Variants in RGS20 observed in about 807,000 individuals in gnomAD.
RGS20 encodes regulator of G protein signaling 20.
In RGS20, 30 loss-of-function variants were observed where a neutral mutation model predicts 33.6. That is an observed-to-expected ratio of 0.89 (90% CI 0.67 to 1.21). The LOEUF (loss-of-function observed/expected upper bound fraction) is 1.21. Ranked by LOEUF, RGS20 falls within the 50% of genes most tolerant of loss-of-function variation. The probability of loss-of-function intolerance (pLI) is 0.00; values close to 1 mark genes in which losing one functional copy is unlikely to be tolerated. For synonymous variants in RGS20, 208 were observed against 197.9 expected (o/e 1.05, Z -0.43); for missense variants, 472 against 502.4 (o/e 0.94, Z 0.58).
At chr8:53,939,119 A>G (rs1356505829) in intron 2 of RGS20, among the ~76,000 whole-genome samples, 1 of 152,144 alleles carries the variant, frequency 6.6e-6, no homozygotes, top group East Asian at 1.9e-4. Flanking sequence ...AGCCTGCTGT[A>G]TTAGCTGGGC....
At chr8:53,948,427 TAA>T (rs781242699) in intron 4 of RGS20, among the ~76,000 whole-genome samples, 92 of 140,582 alleles carry the variant, frequency 6.5e-4, no homozygotes, top group African/African-American at 1.4e-3. Flanking sequence ...ATGCTATATA[TAA>T]GATACAGTAT....
At chr8:53,862,258 T>G (rs1463917171) in intron 1 of RGS20, among the ~76,000 whole-genome samples, 4 of 152,182 alleles carry the variant, frequency 2.6e-5, no homozygotes, top group African/African-American at 9.7e-5. Flanking sequence ...CAAATGCACT[T>G]AGATGTAAAT....
chr8:53,919,391 G>T (rs1267574948), intron 2 of RGS20, among the ~76,000 whole-genome samples: 1 of 149,896 alleles, frequency 6.7e-6, no homozygotes, highest in Non-Finnish European at 1.5e-5. Context: ...ACCCCGTCTG[G>T]AGTGCAATGG....
intron 2 of RGS20, among the ~76,000 whole-genome samples, chr8:53,892,361 G>C (rs1458330093): frequency 6.6e-6 from 1 of 152,208 alleles, no homozygotes; most frequent in African/African-American, 2.4e-5. Context: ...ACATGTGCAT[G>C]TGTCTTTATA....
chr8:53,911,229 G>C (rs948159272), intron 2 of RGS20, among the ~76,000 whole-genome samples: 1 of 152,152 alleles, frequency 6.6e-6, no homozygotes, highest in African/African-American at 2.4e-5. Context: ...AGTGTGAGAG[G>C]CCAGGAGAAA....
intron 2 of RGS20, among the ~76,000 whole-genome samples, chr8:53,885,540 G>A (rs774516545): frequency 3.9e-5 from 6 of 152,112 alleles, no homozygotes; most frequent in Non-Finnish European, 8.8e-5. Context: ...CATGAACCTG[G>A]GAGGCGGGGC....
chr8:53,872,316 T>C (rs1812093886), intron 1 of RGS20, among the ~76,000 whole-genome samples: 1 of 152,190 alleles, frequency 6.6e-6, no homozygotes, highest in Non-Finnish European at 1.5e-5. Context: ...TCTTTAAAGA[T>C]ATAAACTAGA....
intron 2 of RGS20, among the ~76,000 whole-genome samples, chr8:53,908,235 A>C (rs1465495528): frequency 6.6e-6 from 1 of 152,222 alleles, no homozygotes; most frequent in Non-Finnish European, 1.5e-5. Context: ...CATGCAGACA[A>C]GGCAGCTATG....
intron 1 of RGS20, among the ~76,000 whole-genome samples, chr8:53,865,233 C>G (rs1026561693): frequency 1.3e-5 from 2 of 152,196 alleles, no homozygotes; most frequent in Non-Finnish European, 2.9e-5. Flanking sequence ...TTGAGAGATC[C>G]GGCCCAGGTC....
chr8:53,896,826 AAAG>A (rs1234532140), intron 2 of RGS20, among the ~76,000 whole-genome samples: 1 of 152,256 alleles, frequency 6.6e-6, no homozygotes, highest in Non-Finnish European at 1.5e-5. Context: ...TAATATGCAC[AAAG>A]GTTTTGTGGC....
chr8:53,883,569 A>G (rs1232013155), intron 2 of RGS20, among the ~76,000 whole-genome samples: 1 of 152,140 alleles, frequency 6.6e-6, no homozygotes, highest in Non-Finnish European at 1.5e-5. Context: ...TCCCAACCTA[A>G]CTGCATAAAC....
chr8:53,913,122 C>T (rs1392497182), intron 2 of RGS20, among the ~76,000 whole-genome samples: 13 of 152,024 alleles, frequency 8.6e-5, no homozygotes, highest in Admixed American at 5.9e-4. Context: ...CCTGCCACCA[C>T]GCCTGGCTAA....
At chr8:53,919,146 A>G (rs1813575968) in intron 2 of RGS20, among the ~76,000 whole-genome samples, 1 of 152,180 alleles carries the variant, frequency 6.6e-6, no homozygotes, top group Non-Finnish European at 1.5e-5. Flanking sequence ...TTATTTCCCT[A>G]ATGACTGATT....
At chr8:53,904,381 C>T (rs1813110539) in intron 2 of RGS20, among the ~76,000 whole-genome samples, 1 of 152,190 alleles carries the variant, frequency 6.6e-6, no homozygotes, top group African/African-American at 2.4e-5. Flanking sequence ...ATCCTTCTGC[C>T]TTGGCCTCCC....
chr8:53,939,419 A>G (rs1038971239), intron 2 of RGS20, among the ~76,000 whole-genome samples, 157 bp from the exon 2 acceptor site: 1 of 152,234 alleles, frequency 6.6e-6, no homozygotes, highest in Non-Finnish European at 1.5e-5. Context: ...AATTGATCCT[A>G]AGATTCTAAG....
At chr8:53,957,699 C>G (rs535159414) in intron 5 of RGS20, among the ~76,000 whole-genome samples, 1 of 152,250 alleles carries the variant, frequency 6.6e-6, no homozygotes. Context: ...GGCCCCTACA[C>G]CTACTGAGTC....
chr8:53,907,370 A>G (rs1236591776), intron 2 of RGS20, among the ~76,000 whole-genome samples: 1 of 152,124 alleles, frequency 6.6e-6, no homozygotes, highest in Non-Finnish European at 1.5e-5. Flanking sequence ...GCAGATCACG[A>G]GATCAGGAGT....
chr8:53,889,100 T>C (rs746101763), intron 2 of RGS20, among the ~76,000 whole-genome samples: 12 of 152,200 alleles, frequency 7.9e-5, no homozygotes, highest in African/African-American at 2.9e-4. Flanking sequence ...CCAGTGTATG[T>C]TTAGCTTTAG....
intron 5 of RGS20, among the ~76,000 whole-genome samples, chr8:53,954,690 T>C (rs1814811432): frequency 3.3e-5 from 2 of 59,780 alleles, no homozygotes; most frequent in South Asian, 8.3e-4. Flanking sequence ...AGTAATTGCC[T>C]TTTTTTTTTT....
Sources: allele counts gnomAD v4.1 joint callset (sites outside exome capture counted in the v4.1 genomes callset), GRCh38; gene constraint gnomAD v4.1.1; transcripts MANE v1.5; gene names NCBI Gene and HGNC (gene_info 2026-07-23, HGNC 2026-07-21).